Variants in SPINK5 observed in about 807,000 individuals in gnomAD.
The protein encoded by SPINK5 is serine peptidase inhibitor Kazal type 5.
A neutral mutation model predicts 151.8 loss-of-function variants in SPINK5; 125 were observed. The observed-to-expected ratio is 0.82, with a 90% CI of 0.71 to 0.96. SPINK5 has a LOEUF of 0.96. SPINK5 is among the 40% of genes least tolerant of loss of function. The pLI is 0.00. For synonymous variants in SPINK5, 374 were observed against 395.3 expected, an observed-to-expected ratio of 0.95 and a Z score of 0.64; for missense variants, 1,194 against 1,291.9, an observed-to-expected ratio of 0.92 and a Z score of 1.16.
At chr5:148,074,737 A>G (rs1752835515) in intron 4 of SPINK5, among the ~76,000 whole-genome samples, 1 of 151,756 alleles carries the variant, frequency 6.6e-6, no homozygotes, top group South Asian at 2.1e-4. Context: ...TTGGGGTAAA[A>G]TTGACTTTTT....
intron 6 of SPINK5, chr5:148,089,118 G>C (rs1322560664): frequency 2.2e-6 from 1 of 463,948 alleles, no homozygotes; most frequent in Non-Finnish European, 4.3e-6. Context: ...TAATTTTCAA[G>C]GTCTGATGCC....
chr5:148,112,865 TAGCC>T lies in SPINK5; in HGVS notation c.1822_1825del (p.Gln608LysfsTer106). ...GATTGTTTTGTCCTCCCTTTTCTTA[TAGCC>T]AGCAAGAAGCAAAAGAAAAAGAAAG... On this transcript the variant is annotated splice_acceptor_variant and coding_sequence_variant, in exon 20 of 33. Coordinates refer to ENST00000256084, the MANE Select transcript of SPINK5 (RefSeq NM_006846.4). LOFTEE classifies it high-confidence loss of function. The T allele has an allele frequency of 6.2e-7, 1 of 1,613,756 alleles. No homozygotes were observed. The highest frequency in any genetic ancestry group is 1.1e-5 in the South Asian group (1 of 91,072).
At position 148,123,521 on chromosome 5, in the gene SPINK5, G is replaced by GTGTGTGTGTATATATATA. The variant is rs1328976077; in HGVS notation, c.2539-311_2539-310insGTGTGTGTATATATATAT. 1.9e-3 allele frequency among the ~76,000 whole-genome samples: 48 copies of GTGTGTGTGTATATATATA among 25,014 alleles called. 3 individuals are homozygous for GTGTGTGTGTATATATATA. Among genetic ancestry groups the GTGTGTGTGTATATATATA allele is most frequent in the African/African-American group, 3.7e-3 (46 of 12,582 alleles). 16.4% of individuals were successfully genotyped at this position (25,014 alleles called of 152,430 possible). A position where few individuals can be genotyped will look rare whatever the true frequency, so the allele number is the denominator to read the frequency against. On this transcript the variant is annotated intron_variant, in intron 26 of 32. Transcript: ENST00000256084. Reference sequence around the variant, plus strand: ...TGGAGTGCAGTGGTGCAATATATGTGTATATATATATATATATATATATAT... The same window carrying GTGTGTGTGTATATATATA: ...TGGAGTGCAGTGGTGCAATATATGTGTGTGTGTGTATATATATATATATATATATATATATATATATAT...
At chr5:148,131,222 C>T (rs770468392) in intron 30 of SPINK5, 37 bp from the exon 31 acceptor site, 2 of 1,612,372 alleles carry the variant, frequency 1.2e-6, no homozygotes, top group Admixed American at 3.3e-5. Flanking sequence ...TTCTTGAATG[C>T]CATAAAGTAC....
intron 21 of SPINK5, among the ~76,000 whole-genome samples, chr5:148,115,768 C>T (rs1005288109): frequency 1.5e-4 from 23 of 151,408 alleles, no homozygotes; most frequent in African/African-American, 5.1e-4. Context: ...GCGATAAACA[C>T]AGCTGGAGAT....
chr5:148,086,381 G>C, intron 4 of SPINK5, 24 bp from the exon 5 acceptor site: 1 of 1,607,332 alleles, frequency 6.2e-7, no homozygotes, highest in Non-Finnish European at 8.5e-7. Flanking sequence ...ACATTTTGAC[G>C]TTCCTTGATC....
intron 3 of SPINK5, among the ~76,000 whole-genome samples, chr5:148,071,286 G>A (rs1752731837): frequency 3.3e-5 from 5 of 152,014 alleles, no homozygotes; most frequent in Admixed American, 2.6e-4. Context: ...TGTGTCACAG[G>A]ATTTAATTTG....
At chr5:148,121,174 GA>G (rs1222909093) in intron 26 of SPINK5, among the ~76,000 whole-genome samples, 1 of 126,350 alleles carries the variant, frequency 7.9e-6, no homozygotes, top group Admixed American at 8.1e-5. Context: ...AAAAGGAAAA[GA>G]AAAAGAAGAA....
intron 4 of SPINK5, among the ~76,000 whole-genome samples, chr5:148,078,586 T>G (rs2113020857): frequency 6.6e-6 from 1 of 151,020 alleles, no homozygotes. Context: ...ATAGTATTTT[T>G]TTTTAACCAC....
intron 9 of SPINK5, 108 bp from the exon 10 acceptor site, chr5:148,095,706 GTGTT>G: frequency 1.2e-6 from 1 of 868,520 alleles, no homozygotes; most frequent in Non-Finnish European, 1.9e-6. Context: ...TGTTTTTAAA[GTGTT>G]TGTACTAAAA....
At chr5:148,129,212 T>C (rs1198919246) in intron 30 of SPINK5, among the ~76,000 whole-genome samples, 2 of 152,194 alleles carry the variant, frequency 1.3e-5, no homozygotes, top group Non-Finnish European at 2.9e-5. Flanking sequence ...GAGGCCATGT[T>C]ATAAAGGGTT....
At chr5:148,102,106 T>C (rs1753663327) in intron 15 of SPINK5, among the ~76,000 whole-genome samples, 198 bp downstream of exon 15, 1 of 152,142 alleles carries the variant, frequency 6.6e-6, no homozygotes, top group African/African-American at 2.4e-5. Context: ...TATAAAGAGA[T>C]GCAGAATAAG....
intron 30 of SPINK5, among the ~76,000 whole-genome samples, chr5:148,128,249 ATAGT>A (rs1369585851): frequency 2.6e-5 from 4 of 152,032 alleles, no homozygotes; most frequent in Non-Finnish European, 5.9e-5. Flanking sequence ...CTAAAGTATA[ATAGT>A]TACATAGAAG....
rs1180682119 is a variant in SPINK5, at chr5:148,111,771, C to T, written c.1696C>T (p.Leu566=). ...CTGCTTCTGCTTCATTTGGCAGGAG[C>T]TGTGCAGTGAATATCGTCATTATGT... is the stretch of plus-strand genomic sequence containing the variant. The part of the protein sequence containing the change: ...EKVKREAVQE[L]CSEYRHYVRN... The change falls in exon 19 of 33, where the codon CTG becomes TTG. Residue 566 remains leucine, a synonymous_variant. Transcript: ENST00000256084. 1.9e-6 allele frequency: 3 copies of T among 1,613,862 alleles called. No homozygotes were observed. Among genetic ancestry groups the T allele is most frequent in the African/African-American group, 2.7e-5 (2 of 74,902 alleles).
intron 2 of SPINK5, among the ~76,000 whole-genome samples, chr5:148,068,554 C>CAAAAAAAAAAA (rs1166912306): frequency 3.4e-5 from 3 of 89,234 alleles, no homozygotes; most frequent in Admixed American, 1.2e-4. Context: ...CCTGCCTCTC[C>CAAAAAAAAAAA]AAAAAAAAAA....
chr5:148,074,612 A>G (rs1355501595), intron 4 of SPINK5, among the ~76,000 whole-genome samples: 2 of 151,836 alleles, frequency 1.3e-5, no homozygotes, highest in East Asian at 1.9e-4. Flanking sequence ...GGACCTATGC[A>G]TAGATATATG....
chr5:148,105,122 C>T, intron 16 of SPINK5, 122 bp downstream of exon 16: 1 of 1,093,350 alleles, frequency 9.1e-7, no homozygotes, highest in Non-Finnish European at 1.3e-6. Flanking sequence ...AAATGAAGAA[C>T]ATTTTTAACC....
chr5:148,128,097 C>T (rs906702594), intron 30 of SPINK5, among the ~76,000 whole-genome samples: 5 of 152,130 alleles, frequency 3.3e-5, no homozygotes, highest in African/African-American at 1.2e-4. Context: ...CTTCATTATT[C>T]ACCCAATTCA....
chr5:148,086,074 C>G (rs1753146673), intron 4 of SPINK5, among the ~76,000 whole-genome samples: 1 of 151,836 alleles, frequency 6.6e-6, no homozygotes, highest in East Asian at 2.0e-4. Flanking sequence ...TATCCGTAAT[C>G]TACTGGGCCT....
Sources: allele counts gnomAD v4.1 joint callset (sites outside exome capture counted in the v4.1 genomes callset), GRCh38; gene constraint gnomAD v4.1.1; transcripts MANE v1.5; gene names NCBI Gene and HGNC (gene_info 2026-07-23, HGNC 2026-07-21).